CSPG4: variants seen among roughly 807,000 people sequenced by gnomAD.
The protein encoded by CSPG4 is chondroitin sulfate proteoglycan 4.
In CSPG4, 74 loss-of-function variants were observed where a neutral mutation model predicts 139.3. The observed-to-expected ratio is 0.53, with a 90% CI of 0.44 to 0.64. The LOEUF (loss-of-function observed/expected upper bound fraction) is 0.64, where lower values mean the gene tolerates loss of function less well. Ranked by LOEUF, CSPG4 falls within the 30% of genes least tolerant of loss-of-function variation. CSPG4 has a pLI of 0.00. For missense variants in CSPG4, 2,565 were observed against 3,148.3 expected, an observed-to-expected ratio of 0.81 and a Z score of 4.43; for synonymous variants, 1,234 against 1,394.2, an observed-to-expected ratio of 0.89 and a Z score of 2.56.
chr15:75,698,563 A>G lies in CSPG4; in HGVS notation c.89-5330T>C, dbSNP rs1197643364. On this transcript the variant is annotated intron_variant, in intron 1 of 9. Transcript: ENST00000308508. The surrounding 1 kb of genome is among the most constrained non-coding windows in gnomAD (Gnocchi z 4.3). ...GTGAGTGTGTGCAGGAATGTGGGTCAGTGTCACATGTACACACGTGTGTGG... is the reference window on the plus strand; with the variant it reads ...GTGAGTGTGTGCAGGAATGTGGGTCGGTGTCACATGTACACACGTGTGTGG... Among the ~76,000 whole-genome samples, 1 of 152,000 alleles carries G rather than the reference A, an allele frequency of 6.6e-6. No individual in the cohort carries two copies. The highest frequency in any genetic ancestry group is 1.5e-5 in the Non-Finnish European group (1 of 67,984).
rs1459596317 is a variant in CSPG4, at chr15:75,690,662, C to T, written c.403G>A (p.Val135Ile). 1.2e-6 allele frequency: 2 copies of T among 1,612,478 alleles called. No individual in the cohort carries two copies. Among genetic ancestry groups the T allele is most frequent in the Admixed American group, 3.3e-5 (2 of 60,028 alleles). ...GGGACCTCTAGGGGGGCTCCTGGGACTGCTGAGGAGGCGTTCAGAAACCCA... is the reference window on the plus strand; with the variant it reads ...GGGACCTCTAGGGGGGCTCCTGGGATTGCTGAGGAGGCGTTCAGAAACCCA... The part of the protein sequence containing the change: ...VDGFLNASSA[V>I]PGAPLEVPYG... The change falls in exon 3 of 10, where the codon GTC becomes ATC. Residue 135 changes from valine to isoleucine, a missense_variant. Val to Ile is a conservative substitution (Grantham distance 29). Coordinates refer to ENST00000308508, the MANE Select transcript of CSPG4 (RefSeq NM_001897.5).
At chr15:75,703,339 G>T (rs1357036517) in intron 1 of CSPG4, among the ~76,000 whole-genome samples, 40 of 150,932 alleles carry the variant, frequency 2.7e-4, no homozygotes, top group South Asian at 4.2e-4. Flanking sequence ...TGCAGCCCGG[G>T]TGACCCTGCG....
intron 1 of CSPG4, among the ~76,000 whole-genome samples, chr15:75,710,213 TC>T (rs1185944288): frequency 6.6e-6 from 1 of 152,164 alleles, no homozygotes; most frequent in Non-Finnish European, 1.5e-5. Flanking sequence ...TGCCTTTCAG[TC>T]AGTGATGCCA....
At position 75,687,030 on chromosome 15, in the gene CSPG4, A is replaced by G. The variant is rs966001419; in HGVS notation, c.3789+246T>C. ...GGTCCAGGAATCTGCATGCTCAGCC[A>G]TGTCATACACATGAGTGGACACAAC... On this transcript the variant is annotated intron_variant, in intron 3 of 9. Transcript: ENST00000308508. The surrounding 1 kb of genome is among the most constrained non-coding windows in gnomAD (Gnocchi z 5.4). 3.3e-5 allele frequency among the ~76,000 whole-genome samples: 5 copies of G among 151,774 alleles called. No individual in the cohort carries two copies. The highest frequency in any genetic ancestry group is 1.2e-4 in the African/African-American group (5 of 41,356).
chr15:75,684,709 T>TG, intron 5 of CSPG4, 27 bp downstream of exon 5: 1 of 1,598,548 alleles, frequency 6.3e-7, no homozygotes, highest in Non-Finnish European at 8.6e-7. Flanking sequence ...GAAGCAGACA[T>TG]GGGGGTGTTC....
At position 75,689,704 on chromosome 15, in the gene CSPG4, G is replaced by A; in HGVS notation, c.1361C>T (p.Pro454Leu). ...TAWLEWRHVQPTLDLMEAELR... is the reference protein window; with the variant it reads ...TAWLEWRHVQLTLDLMEAELR... ...CTCAGCCTCCATCAGGTCCAGCGTGGGCTGCACATGCCTCCACTCAAGCCA... is the reference window on the plus strand; with the variant it reads ...CTCAGCCTCCATCAGGTCCAGCGTGAGCTGCACATGCCTCCACTCAAGCCA... Residue 454 changes from proline (P) to leucine (L), a missense_variant, in exon 3 of 10, where the codon CCC (proline) becomes CTC (leucine). Transcript: ENST00000308508. 6.2e-7 allele frequency: 1 copy of A among 1,612,876 alleles called. No individual in the cohort carries two copies. Among genetic ancestry groups the A allele is most frequent in the Non-Finnish European group, 8.5e-7 (1 of 1,179,840 alleles).
rs919200196 is a variant in CSPG4 at position 75,698,094 on chromosome 15, A to G, written c.89-4861T>C. Among the ~76,000 whole-genome samples the G allele has an allele frequency of 2.0e-5, 3 of 152,052 alleles. No individual in the cohort carries two copies. Among genetic ancestry groups the G allele is most frequent in the Admixed American group, 2.0e-4 (3 of 15,278 alleles). The stretch of plus-strand genomic sequence containing the variant: ...CCTGCTGCTGTGCACAGGAGTGAGG[A>G]GGGGATGCCCAGCCAGCCTGCTGGG... On this transcript the variant is annotated intron_variant, in intron 1 of 9. Transcript: ENST00000308508. The surrounding 1 kb of genome is among the most constrained non-coding windows in gnomAD (Gnocchi z 4.3).
At chr15:75,695,821 C>A (rs1204597077) in intron 1 of CSPG4, among the ~76,000 whole-genome samples, 1 of 151,980 alleles carries the variant, frequency 6.6e-6, no homozygotes, top group African/African-American at 2.4e-5. Context: ...AGCAGCAAGG[C>A]CGAGTGAGAC....
Position 75,676,571 on chromosome 15 carries a change from T to C in CSPG4, c.5948A>G (p.Gln1983Arg). 1.2e-6 allele frequency: 2 copies of C among 1,613,520 alleles called. No individual in the cohort carries two copies. The highest frequency in any genetic ancestry group is 1.7e-6 in the Non-Finnish European group (2 of 1,179,932). ...CAGGAGATGCCCATACTGGGGTCCCTGGATGAGGCGGTATGCTGCCTCTGG... is the reference window on the plus strand; with the variant it reads ...CAGGAGATGCCCATACTGGGGTCCCCGGATGAGGCGGTATGCTGCCTCTGG... ...EEPEAAYRLIQGPQYGHLLVG... is the reference protein window; with the variant it reads ...EEPEAAYRLIRGPQYGHLLVG... The change falls in exon 10 of 10, where the codon CAG becomes CGG. Residue 1983 changes from glutamine (Q) to arginine (R), a missense_variant. Transcript: ENST00000308508.
chr15:75,712,531 A>T, intron 1 of CSPG4, 137 bp downstream of exon 1: 2 of 801,646 alleles, frequency 2.5e-6, no homozygotes, highest in Non-Finnish European at 4.1e-6. Flanking sequence ...TGGCGACCCC[A>T]GCTAGTGGTG....
chr15:75,694,227 C>A (rs1307079592), intron 1 of CSPG4, among the ~76,000 whole-genome samples: 3 of 152,216 alleles, frequency 2.0e-5, no homozygotes, highest in Admixed American at 6.5e-5. Flanking sequence ...GTTAGTGGTT[C>A]CTATGCAGGG....
rs1163969977 is a variant in CSPG4, at chr15:75,676,596, G to T, written c.5923C>A (p.Pro1975Thr). 5 of 1,611,776 alleles carry T rather than the reference G, an allele frequency of 3.1e-6. No homozygotes were observed. The highest frequency in any genetic ancestry group is 4.2e-6 in the Non-Finnish European group (5 of 1,179,326). The change falls in exon 10 of 10, where the codon CCA (proline) becomes ACA (threonine). Residue 1975 changes from proline to threonine, a missense_variant. Coordinates refer to ENST00000308508, the MANE Select transcript of CSPG4 (RefSeq NM_001897.5). The stretch of plus-strand genomic sequence containing the variant: ...TGGATGAGGCGGTATGCTGCCTCTG[G>T]CTCCTCCCGATCTGAAACCACCCGG... ...QLRVVSDREEPEAAYRLIQGP... is the reference protein window; with the variant it reads ...QLRVVSDREETEAAYRLIQGP...
chr15:75,706,292 C>T (rs1168628021), intron 1 of CSPG4, among the ~76,000 whole-genome samples: 9 of 152,246 alleles, frequency 5.9e-5, no homozygotes, highest in East Asian at 5.8e-4. Context: ...GGCGGGGGAA[C>T]GAGGCACTGT....
chr15:75,681,731 T>C (rs1049209026), intron 8 of CSPG4, among the ~76,000 whole-genome samples: 1 of 152,190 alleles, frequency 6.6e-6, no homozygotes. Flanking sequence ...CTGAGAGCTC[T>C]AATTCTTCCT....
At chr15:75,690,846 A>G in intron 2 of CSPG4, 34 bp from the exon 3 acceptor site, 1 of 1,571,786 alleles carries the variant, frequency 6.4e-7, no homozygotes. Context: ...GATAGTGGAC[A>G]GCACTTTGGA....
Position 75,676,196 on chromosome 15 carries a change from T to A in CSPG4, c.6323A>T (p.Gln2108Leu). The A allele has an allele frequency of 6.4e-7, 1 of 1,551,070 alleles. No individual in the cohort carries two copies. The highest frequency in any genetic ancestry group is 2.4e-5 in the East Asian group (1 of 41,744). Residue 2108 changes from glutamine to leucine, a missense_variant, in exon 10 of 10, where the codon CAG becomes CTG. By Grantham distance (113) the Gln-to-Leu change is moderately radical. This residue lies in a region of CSPG4 where 2,316 missense variants were observed against 2,818.2 expected (regional missense o/e 0.82). Coordinates refer to ENST00000308508, the MANE Select transcript of CSPG4 (RefSeq NM_001897.5). ...PRARTEPGGSQLVEQFTQQDL... is the reference protein window; with the variant it reads ...PRARTEPGGSLLVEQFTQQDL... ...CTGCTGAGTGAACTGCTCCACCAGC[T>A]GGCTGCCCCCGGGCTCCGTCCTGGC...
At position 75,675,312 on chromosome 15, in the gene CSPG4, G is replaced by A. The variant is rs1893873398; in HGVS notation, c.*238C>T. 1 of 399,562 alleles carries A rather than the reference G, an allele frequency of 2.5e-6. No homozygotes were observed. The allele number at this position is 399,562 out of a possible 1,614,324, so 24.8% of individuals were successfully genotyped here. ...GGGCAGGAGGACTGAACTTAAGCCT[G>A]CCTCCACCTTGGCCCCTGCAGTTCT... On this transcript the variant is annotated 3_prime_UTR_variant, in exon 10 of 10. Transcript: ENST00000308508.
In CSPG4 at chr15:75,677,314, G is replaced by A. The variant is rs779262175; in HGVS notation, c.5205C>T (p.Ala1735=). 1 of 1,430,068 alleles carries A rather than the reference G, an allele frequency of 7.0e-7. No individual in the cohort carries two copies. Among genetic ancestry groups the A allele is most frequent in the Non-Finnish European group, 9.2e-7 (1 of 1,087,572 alleles). The allele number at this position is 1,430,068 out of a possible 1,614,324, so 88.6% of individuals were successfully genotyped here. Residue 1735 remains alanine (A), a synonymous_variant, in exon 10 of 10, where the codon GCC becomes GCT. Transcript: ENST00000308508. Reference sequence around the variant, plus strand: ...CTGAGCGCTGGGGTGATGGAACGCTGGCCAAGAGATTGGAGGCATCCAGAG... The same window carrying A: ...CTGAGCGCTGGGGTGATGGAACGCTAGCCAAGAGATTGGAGGCATCCAGAG... The part of the protein sequence containing the change: ...VAALDASNLL[A]SVPSPQRSEH...
Position 75,675,645 on chromosome 15 carries a change from G to C in CSPG4, c.6874C>G (p.Gln2292Glu). ...QAIPLTAVPG[Q>E]GPPPGGQPDP... The stretch of plus-strand genomic sequence containing the variant: ...GGCTGGCCTCCTGGAGGGGGCCCCT[G>C]GCCAGGCACAGCTGTGAGCGGGATG... Residue 2292 changes from glutamine (Q) to glutamate (E), a missense_variant, in exon 10 of 10, where the codon CAG becomes GAG. Gln to Glu is a conservative substitution (Grantham distance 29). Transcript: ENST00000308508. 6.6e-7 allele frequency: 1 copy of C among 1,522,890 alleles called. No individual in the cohort carries two copies. The highest frequency in any genetic ancestry group is 8.8e-7 in the Non-Finnish European group (1 of 1,135,688). 94.3% of individuals were successfully genotyped at this position (1,522,890 alleles called of 1,614,324 possible).
Sources: gnomAD v4.1 joint callset for allele counts (sites outside exome capture counted in the v4.1 genomes callset) on GRCh38, gnomAD v4.1.1 for gene constraint, gnomAD v4.1.1 regional missense constraint, Gnocchi (gnomAD v3.1) non-coding constraint, MANE v1.5 for transcripts, NCBI Gene and HGNC (gene_info 2026-07-23, HGNC 2026-07-21) for gene names.